The following KLC2 variants were observed in gnomAD, a reference collection of about 807,000 sequenced individuals.
KLC2 encodes KLC 2.
KLC2 carries 35 observed loss-of-function variants against 75.1 expected under a neutral mutation model. The observed-to-expected ratio is 0.47, with a 90% CI of 0.36 to 0.62. The LOEUF (loss-of-function observed/expected upper bound fraction) is 0.62, where lower values mean the gene tolerates loss of function less well. Among genes scored for constraint, KLC2 ranks in the 20% least tolerant of loss-of-function variants. The pLI is 0.00. For missense variants in KLC2, 611 were observed against 833.2 expected, an observed-to-expected ratio of 0.73 and a Z score of 3.28; for synonymous variants, 314 against 336.7, an observed-to-expected ratio of 0.93 and a Z score of 0.74.
upstream of KLC2, among the ~76,000 whole-genome samples, chr11:66,256,084 G>A (rs1469334211): frequency 1.3e-5 from 2 of 151,996 alleles, no homozygotes; most frequent in Middle Eastern, 3.2e-3. Context: ...TCTTTTGAAT[G>A]TTGCACAAAT....
chr11:66,258,877 A>G (rs1170977650), intron 2 of KLC2, 55 bp downstream of exon 2: 4 of 1,247,146 alleles, frequency 3.2e-6, no homozygotes, highest in Non-Finnish European at 4.6e-6. Flanking sequence ...CGAGCCTTCA[A>G]GAGGAATCCG....
At chr11:66,256,166 G>A (rs1856027941), upstream of KLC2, among the ~76,000 whole-genome samples, 1 of 152,042 alleles carries the variant, frequency 6.6e-6, no homozygotes, top group African/African-American at 2.4e-5. Context: ...AGCACTTTGG[G>A]AGGCCGAGAT....
At chr11:66,262,237 AAC>A in intron 4 of KLC2, 45 bp downstream of exon 4, 1 of 1,517,706 alleles carries the variant, frequency 6.6e-7, no homozygotes, top group South Asian at 1.1e-5. Context: ...AGGTTGTGTG[AAC>A]TCTTGGTCCT....
chr11:66,251,433 G>T, the KLC2 span, among the ~76,000 whole-genome samples: 29 of 135,364 alleles, frequency 2.1e-4, 5 homozygotes, highest in African/African-American at 6.4e-4. Context: ...CAGAGGTTGC[G>T]GTGTGCCAAG....
In KLC2 at chr11:66,261,981, C is replaced by T. The variant is rs761987950; in HGVS notation, c.459+9C>T. ...AAGACGCCTCCCCTAACGTGAGCTC[C>T]TACCATGGTCACTGTTGCCCAGCAA... is the stretch of plus-strand genomic sequence containing the variant. On this transcript the variant is annotated intron_variant, in intron 3 of 15. Transcript: ENST00000394067. The T allele has an allele frequency of 1.1e-5, 18 of 1,610,348 alleles. No individual in the cohort carries two copies. The South Asian group carries it at 1.6e-4, about 15-fold the overall frequency.
intron 2 of KLC2, among the ~76,000 whole-genome samples, chr11:66,260,056 T>A (rs140285979): frequency 6.6e-5 from 10 of 152,298 alleles, no homozygotes; most frequent in Admixed American, 1.3e-4. Context: ...AGAGCTTGGC[T>A]GAGCCCCTGC....
In KLC2 at chr11:66,266,114, C is replaced by T. The variant is rs1856805638; in HGVS notation, c.1624C>T (p.Arg542Cys). 6.2e-7 allele frequency: 1 copy of T among 1,614,020 alleles called. No individual in the cohort carries two copies. The highest frequency in any genetic ancestry group is 8.5e-7 in the Non-Finnish European group (1 of 1,179,954). Reference protein sequence around the residue: ...WNGDGSGSLRRSGSFGKLRDA... With the variant: ...WNGDGSGSLRCSGSFGKLRDA... ...GCAGGATGGCAGTGGCTCCTTGAGG[C>T]GCAGCGGTTCCTTTGGGAAACTCCG... The change falls in exon 14 of 16, where the codon CGC (arginine) becomes TGC (cysteine). Residue 542 changes from arginine to cysteine, a missense_variant. Physicochemically the swap from Arg to Cys is radical, Grantham distance 180. Transcript: ENST00000394067.
In KLC2 at chr11:66,264,146, G is replaced by A. The variant is rs752378241; in HGVS notation, c.1043G>A (p.Arg348Gln). 13 of 1,578,818 alleles carry A rather than the reference G, an allele frequency of 8.2e-6. No homozygotes were observed. The highest frequency in any genetic ancestry group is 4.6e-5 in the East Asian group (2 of 43,024). The change falls in exon 8 of 16, where the codon CGG (arginine) becomes CAG (glutamine). Residue 348 changes from arginine (R) to glutamine (Q), a missense_variant. Coordinates refer to ENST00000394067, the MANE Select transcript of KLC2 (RefSeq NM_001318734.2). Reference protein sequence around the residue: ...GKAEEVEYYYRRALEIYATRL... With the variant: ...GKAEEVEYYYQRALEIYATRL... ...GCTGAGGAGGTGGAATATTACTATC[G>A]GCGGGCACTGGAGATCTATGCTACA...
chr11:66,257,194 A>G (rs1009702914), upstream of KLC2: 3 of 152,206 alleles, frequency 2.0e-5, no homozygotes, highest in Non-Finnish European at 4.4e-5. Flanking sequence ...GCTACCTGTC[A>G]CCGGATGTGC....
intron 4 of KLC2, 42 bp from the exon 5 acceptor site, chr11:66,262,772 T>C: frequency 6.9e-7 from 1 of 1,449,208 alleles, no homozygotes; most frequent in Non-Finnish European, 9.6e-7. Context: ...CCCAGTCCAG[T>C]GGGCAGATGG....
chr11:66,263,819 G>A lies in KLC2; in HGVS notation c.841-32G>A, dbSNP rs748630271. Reference sequence around the variant, plus strand: ...CAGGTCCCAGAGTCCTGCAGGGCCTGAGTCAAGAAGCTTCCGTTCTCCCAC... The same window carrying A: ...CAGGTCCCAGAGTCCTGCAGGGCCTAAGTCAAGAAGCTTCCGTTCTCCCAC... On this transcript the variant is annotated intron_variant, in intron 6 of 15. Transcript: ENST00000394067. 2.5e-6 allele frequency: 4 copies of A among 1,608,120 alleles called. No individual in the cohort carries two copies. The Admixed American group carries it at 5.0e-5, about 20-fold the overall frequency.
Position 66,267,619 on chromosome 11 carries a change from C to T in KLC2, c.*663C>T. ...CTTAGTCCGTCCTCCCACCGCCGGGCCCTGCCCCGCATCCCGGCCTTATGC... is the reference window on the plus strand; with the variant it reads ...CTTAGTCCGTCCTCCCACCGCCGGGTCCTGCCCCGCATCCCGGCCTTATGC... On this transcript the variant is annotated 3_prime_UTR_variant, in exon 16 of 16. Transcript: ENST00000394067. 1 of 598,664 alleles carries T rather than the reference C, an allele frequency of 1.7e-6. No individual in the cohort carries two copies. The highest frequency in any genetic ancestry group is 3.0e-6 in the Non-Finnish European group (1 of 334,728). The allele number at this position is 598,664 out of a possible 1,614,324, so 37.1% of individuals were successfully genotyped here.
the KLC2 span, chr11:66,244,301 C>T: frequency 6.6e-6 from 1 of 152,504 alleles, no homozygotes; most frequent in Non-Finnish European, 1.5e-5. Flanking sequence ...CTGTTCTTCC[C>T]CCTCCTTAGG....
At chr11:66,259,112 A>T (rs1354754171) in intron 2 of KLC2, among the ~76,000 whole-genome samples, 2 of 152,216 alleles carry the variant, frequency 1.3e-5, no homozygotes, top group African/African-American at 2.4e-5. Context: ...CCTTAAGGAA[A>T]CATAGCCTCC....
the KLC2 span, among the ~76,000 whole-genome samples, chr11:66,251,707 G>A: frequency 6.6e-6 from 1 of 152,212 alleles, no homozygotes; most frequent in South Asian, 2.1e-4. Flanking sequence ...TGGTAGCAGA[G>A]GTTACAGTGA....
rs1435545836 is a variant in KLC2, at chr11:66,258,617, GGGA to G, written c.28_30del (p.Glu10del). 4 of 1,613,314 alleles carry G rather than the reference GGGA, an allele frequency of 2.5e-6. No individual in the cohort carries two copies. The highest frequency in any genetic ancestry group is 8.5e-7 in the Non-Finnish European group (1 of 1,179,522). On this transcript the variant is annotated inframe_deletion, in exon 2 of 16. Coordinates refer to ENST00000394067, the MANE Select transcript of KLC2 (RefSeq NM_001318734.2). ...GCCATGGCCATGATGGTGTTTCCGC[GGGA>G]GGAGAAGCTGAGCCAGGATGAGATC...
chr11:66,253,804 C>T (rs779342080), upstream of KLC2, among the ~76,000 whole-genome samples: 5 of 152,208 alleles, frequency 3.3e-5, no homozygotes, highest in African/African-American at 9.6e-5. Flanking sequence ...ACCAGCACAC[C>T]GGGCGGAGCA....
chr11:66,261,715 C>T (rs368650299), intron 2 of KLC2, 27 bp from the exon 3 acceptor site: 222 of 1,540,938 alleles, frequency 1.4e-4, no homozygotes, highest in Non-Finnish European at 1.8e-4. Flanking sequence ...GACAGGCCTC[C>T]GACCCTTACC....
Position 66,265,168 on chromosome 11 carries a change from G to C in KLC2, c.1267G>C (p.Asp423His). Residue 423 changes from aspartate (D) to histidine (H), a missense_variant and splice_region_variant, in exon 11 of 16, where the codon GAT becomes CAT. Physicochemically the swap from Asp to His is moderately conservative, Grantham distance 81. Transcript: ENST00000394067. The stretch of plus-strand genomic sequence containing the variant: ...TTCTTGTGACCATTCTTTCCTCCAG[G>C]ATAAGCGCCGGGACAGCGCCCCCTA... ...MHAEEREESK[D>H]KRRDSAPYGE... 5 of 1,538,562 alleles carry C rather than the reference G, an allele frequency of 3.2e-6. No individual in the cohort carries two copies. Among genetic ancestry groups the C allele is most frequent in the Non-Finnish European group, 4.4e-6 (5 of 1,131,892 alleles).
Sources: gnomAD v4.1 joint callset for allele counts (sites outside exome capture counted in the v4.1 genomes callset) on GRCh38, gnomAD v4.1.1 for gene constraint, MANE v1.5 for transcripts, NCBI Gene and HGNC (gene_info 2026-07-23, HGNC 2026-07-21) for gene names.